CENPC: variants seen among roughly 807,000 people sequenced by gnomAD.
CENPC encodes the protein centromere protein C, also known as CENP-C 1.
CENPC carries 63 observed loss-of-function variants against 112.1 expected under a neutral mutation model. That is an observed-to-expected ratio of 0.56 (90% CI 0.46 to 0.69). The LOEUF (loss-of-function observed/expected upper bound fraction) is 0.69, where lower values mean the gene tolerates loss of function less well. Ranked by LOEUF, CENPC falls within the 30% of genes least tolerant of loss-of-function variation. CENPC has a pLI of 0.00. For synonymous variants in CENPC, 333 were observed against 367.6 expected, an observed-to-expected ratio of 0.91 and a Z score of 1.08; for missense variants, 1,000 against 1,103.8, an observed-to-expected ratio of 0.91 and a Z score of 1.33.
At chr4:67,511,819 C>G (rs1214312690) in intron 9 of CENPC, among the ~76,000 whole-genome samples, 3 of 152,058 alleles carry the variant, frequency 2.0e-5, no homozygotes, top group Non-Finnish European at 2.9e-5. Context: ...TGTGGGAATC[C>G]ACTGGGAAAG....
At chr4:67,475,594 A>C (rs1027457121) in intron 17 of CENPC, among the ~76,000 whole-genome samples, 1 of 152,110 alleles carries the variant, frequency 6.6e-6, no homozygotes, top group Non-Finnish European at 1.5e-5. Flanking sequence ...TAGATAATAC[A>C]AGAGTATTGT....
intron 12 of CENPC, among the ~76,000 whole-genome samples, chr4:67,502,974 C>T (rs1725633083): frequency 6.6e-6 from 1 of 152,184 alleles, no homozygotes; most frequent in African/African-American, 2.4e-5. Context: ...CAACATCTCT[C>T]CAGCTAGTCT....
chr4:67,498,543 C>A (rs1725503511), intron 12 of CENPC, among the ~76,000 whole-genome samples: 1 of 152,130 alleles, frequency 6.6e-6, no homozygotes, highest in Non-Finnish European at 1.5e-5. Flanking sequence ...TTTGTCATTT[C>A]AAGGGTTCAC....
chr4:67,536,541 G>A (rs1056616967), intron 4 of CENPC, among the ~76,000 whole-genome samples: 13 of 151,852 alleles, frequency 8.6e-5, no homozygotes, highest in African/African-American at 3.1e-4. Flanking sequence ...TCTCAAGTTC[G>A]CAAACAGAAA....
At chr4:67,545,174 A>G (rs757622596) in intron 1 of CENPC, among the ~76,000 whole-genome samples, 164 bp downstream of exon 1, 8 of 152,226 alleles carry the variant, frequency 5.3e-5, no homozygotes, top group Non-Finnish European at 1.2e-4. Flanking sequence ...AACTCTGGTT[A>G]TCGACACACG....
intron 5 of CENPC, among the ~76,000 whole-genome samples, 184 bp downstream of exon 5, chr4:67,530,629 GAA>G (rs1726519911): frequency 6.6e-6 from 1 of 152,108 alleles, no homozygotes; most frequent in South Asian, 2.1e-4. Context: ...AAATGGAGAA[GAA>G]GAGAGAAAAA....
chr4:67,507,920 T>C (rs1026754675), intron 10 of CENPC, among the ~76,000 whole-genome samples: 13 of 152,254 alleles, frequency 8.5e-5, no homozygotes, highest in African/African-American at 2.9e-4. Context: ...GATTTCTTTA[T>C]GCACTATAAT....
chr4:67,525,884 C>T (rs539489105), intron 5 of CENPC, among the ~76,000 whole-genome samples: 136 of 152,280 alleles, frequency 8.9e-4, no homozygotes, highest in African/African-American at 3.2e-3. Flanking sequence ...GTGTTTACTG[C>T]AGCACTATTT....
rs200631689 is a variant in CENPC at position 67,485,176 on chromosome 4, C to CT, written c.2670+4790dup. ...GTCACATGCTTAGGACAACAAACTA[C>CT]TCAATCTGATTGAAGAATCAAAGAA... On this transcript the variant is annotated intron_variant, in intron 17 of 18. Transcript: ENST00000273853. Among the ~76,000 whole-genome samples, 442 of 152,270 alleles carry CT rather than the reference C, an allele frequency of 2.9e-3. 10 individuals carry two copies. The East Asian group carries it at 0.077, about 27-fold the overall frequency.
chr4:67,532,223 C>T (rs893924878), intron 4 of CENPC, among the ~76,000 whole-genome samples: 3 of 152,154 alleles, frequency 2.0e-5, no homozygotes, highest in Non-Finnish European at 2.9e-5. Context: ...GTTAGAATGG[C>T]AATCATTAAA....
rs1726777017 is a variant in CENPC at position 67,537,974 on chromosome 4, AC to A, written c.231+1865del. 2.0e-5 allele frequency among the ~76,000 whole-genome samples: 3 copies of A among 152,238 alleles called. No homozygotes were observed. The East Asian group carries it at 5.8e-4, about 29-fold the overall frequency. ...ACTCCATCCTGGGCTAAAGAGTGAA[AC>A]CCTGTCTCAGAAAATAAATAAATAA... On this transcript the variant is annotated intron_variant, in intron 4 of 18. Transcript: ENST00000273853.
chr4:67,484,663 C>A (rs1725044558), intron 17 of CENPC, among the ~76,000 whole-genome samples: 2 of 152,340 alleles, frequency 1.3e-5, no homozygotes, highest in East Asian at 1.9e-4. Flanking sequence ...CAAACCAGTC[C>A]TTGGTGCCAA....
At chr4:67,542,471 GA>G (rs1292185326) in intron 2 of CENPC, among the ~76,000 whole-genome samples, 1 of 152,158 alleles carries the variant, frequency 6.6e-6, no homozygotes, top group African/African-American at 2.4e-5. Flanking sequence ...ATAACTGAAA[GA>G]TCTCAGAAAT....
Position 67,539,886 on chromosome 4 carries a change from G to C in CENPC, c.185C>G (p.Ser62Ter), listed in dbSNP as rs1262602320. ...ACAAGTGTCTTTTATTTTGCGTGTT[G>C]AATTAGGCACTGATTTTGTAGAATT... ...STNSTKSVPNSTRKIKDTCIQ... is the reference protein window; with the variant it reads ...STNSTKSVPN The change falls in exon 4 of 19, where the codon TCA becomes TGA. Residue 62 changes from serine (S) to a stop codon, truncating the protein, a stop_gained. Coordinates refer to ENST00000273853, the MANE Select transcript of CENPC (RefSeq NM_001812.4). LOFTEE classifies it high-confidence loss of function. 1 of 1,533,284 alleles carries C rather than the reference G, an allele frequency of 6.5e-7. No individual in the cohort carries two copies. The allele number at this position is 1,533,284 out of a possible 1,614,324, so 95.0% of individuals were successfully genotyped here.
chr4:67,502,293 C>A (rs990802737), intron 12 of CENPC, among the ~76,000 whole-genome samples: 1 of 151,926 alleles, frequency 6.6e-6, no homozygotes, highest in Non-Finnish European at 1.5e-5. Flanking sequence ...ATATATTAAA[C>A]AATTTATTAA....
At chr4:67,490,938 GA>G (rs749761567) in intron 16 of CENPC, among the ~76,000 whole-genome samples, 154 of 143,160 alleles carry the variant, frequency 1.1e-3, no homozygotes, top group Non-Finnish European at 1.8e-3. Flanking sequence ...AAACAAATAA[GA>G]AATGAACTTT....
At position 67,539,869 on chromosome 4, in the gene CENPC, C is replaced by G; in HGVS notation, c.202G>C (p.Asp68His). 6.5e-7 allele frequency: 1 copy of G among 1,536,104 alleles called. No individual in the cohort carries two copies. The highest frequency in any genetic ancestry group is 8.8e-7 in the Non-Finnish European group (1 of 1,142,538). ...SVPNSTRKIK[D>H]TCIQSPSKEC... ...TTGCTTGGTGACTGAATACAAGTGT[C>G]TTTTATTTTGCGTGTTGAATTAGGC... Residue 68 changes from aspartate to histidine, a missense_variant, in exon 4 of 19, where the codon GAC (aspartate) becomes CAC (histidine). Asp to His is a moderately conservative substitution (Grantham distance 81). Coordinates refer to ENST00000273853, the MANE Select transcript of CENPC (RefSeq NM_001812.4).
intron 17 of CENPC, among the ~76,000 whole-genome samples, chr4:67,485,003 G>A (rs916213484): frequency 3.3e-5 from 5 of 152,178 alleles, no homozygotes; most frequent in African/African-American, 1.2e-4. Context: ...TGAGGCAGGA[G>A]AATGGCGTGA....
chr4:67,481,012 T>C (rs1169818500), intron 17 of CENPC, among the ~76,000 whole-genome samples: 1 of 152,152 alleles, frequency 6.6e-6, no homozygotes, highest in African/African-American at 2.4e-5. Flanking sequence ...ACTGTTGCTG[T>C]TTGCCAATGA....
Sources: gnomAD v4.1 joint callset for allele counts (sites outside exome capture counted in the v4.1 genomes callset) on GRCh38, gnomAD v4.1.1 for gene constraint, MANE v1.5 for transcripts, NCBI Gene and HGNC (gene_info 2026-07-23, HGNC 2026-07-21) for gene names.